Variants in XPR1 observed in about 807,000 individuals in gnomAD.
XPR1 encodes xenotropic and polytropic retrovirus receptor 1.
A neutral mutation model predicts 87.5 loss-of-function variants in XPR1; 28 were observed. The ratio of observed to expected loss-of-function variants is 0.32; its 90% confidence interval spans 0.24 to 0.44. The LOEUF (loss-of-function observed/expected upper bound fraction) is 0.44, where lower values mean the gene tolerates loss of function less well. Ranked by LOEUF, XPR1 falls within the 20% of genes least tolerant of loss-of-function variation. The probability of loss-of-function intolerance (pLI) is 1.00; values close to 1 mark genes in which losing one functional copy is unlikely to be tolerated. For synonymous variants in XPR1, 300 were observed against 306.1 expected, an observed-to-expected ratio of 0.98 and a Z score of 0.21; for missense variants, 559 against 862.3, an observed-to-expected ratio of 0.65 and a Z score of 4.41.
Position 180,728,044 on chromosome 1 carries a change from G to A in XPR1, c.121+45633G>A, listed in dbSNP as rs183675025. On this transcript the variant is annotated intron_variant, in intron 2 of 14. Coordinates refer to ENST00000367590, the MANE Select transcript of XPR1 (RefSeq NM_004736.4). The stretch of plus-strand genomic sequence containing the variant: ...CTTAACCATCTGGGAATGCAGCCCA[G>A]TAGGTTTCAGTCTCATTTTACCCAG... Among the ~76,000 whole-genome samples, 586 of 152,268 alleles carry A rather than the reference G, an allele frequency of 3.8e-3. 3 individuals carry two copies. The highest frequency in any genetic ancestry group is 0.013 in the African/African-American group (556 of 41,556).
At chr1:180,642,142 C>T (rs1441622511) in intron 1 of XPR1, among the ~76,000 whole-genome samples, 1 of 152,138 alleles carries the variant, frequency 6.6e-6, no homozygotes, top group Non-Finnish European at 1.5e-5. Context: ...AAGTGGAAAC[C>T]TATCTTGAGT....
intron 11 of XPR1, among the ~76,000 whole-genome samples, chr1:180,847,505 T>G (rs1246273488): frequency 6.6e-6 from 1 of 152,168 alleles, no homozygotes; most frequent in East Asian, 1.9e-4. Flanking sequence ...AGAAAGTGAC[T>G]AGATTTCTTT....
intron 3 of XPR1, among the ~76,000 whole-genome samples, chr1:180,789,787 C>G (rs537312953): frequency 6.6e-6 from 1 of 152,106 alleles, no homozygotes; most frequent in Admixed American, 6.6e-5. Context: ...CCTTTACCCT[C>G]ATTGCCTTAT....
intron 2 of XPR1, among the ~76,000 whole-genome samples, chr1:180,710,020 C>T (rs1557968245): frequency 6.6e-6 from 1 of 151,774 alleles, no homozygotes; most frequent in Non-Finnish European, 1.5e-5. Flanking sequence ...ATTCTCCTGC[C>T]TCAGCCTCCC....
Position 180,756,931 on chromosome 1 carries a change from A to G in XPR1, c.122-30822A>G, listed in dbSNP as rs557641162. Among the ~76,000 whole-genome samples the G allele has an allele frequency of 5.9e-5, 9 of 152,328 alleles. No homozygotes were observed. In the East Asian group the frequency reaches 1.7e-3, roughly 29 times the overall value. On this transcript the variant is annotated intron_variant, in intron 2 of 14. Transcript: ENST00000367590. ...AGACTAGTCTTTCTCACATTGAATT[A>G]TCTTGTCACCTTTGTTGAAAATCAG...
chr1:180,791,044 G>A (rs6661417), intron 3 of XPR1, among the ~76,000 whole-genome samples: 58,162 of 151,912 alleles, frequency 0.38, 11,367 homozygotes, highest in African/African-American at 0.42. Context: ...GGCATTTGCA[G>A]TGAAACAAAT....
intron 14 of XPR1, among the ~76,000 whole-genome samples, chr1:180,882,325 T>G (rs1652871259): frequency 1.3e-5 from 2 of 152,148 alleles, no homozygotes; most frequent in Non-Finnish European, 2.9e-5. Context: ...CATGCAACCT[T>G]TAGCATATCC....
intron 1 of XPR1, among the ~76,000 whole-genome samples, chr1:180,673,090 T>C (rs1656240511): frequency 6.6e-6 from 1 of 152,208 alleles, no homozygotes; most frequent in Non-Finnish European, 1.5e-5. Flanking sequence ...ATGTTGTGTA[T>C]GAGACATAAT....
chr1:180,878,812 A>C (rs1209987576), intron 13 of XPR1, among the ~76,000 whole-genome samples: 1 of 152,178 alleles, frequency 6.6e-6, no homozygotes, highest in Non-Finnish European at 1.5e-5. Flanking sequence ...CTGTCTCACT[A>C]GCTATTCCTT....
rs1652807756 is a variant in XPR1 at position 180,880,269 on chromosome 1, T to C, written c.2002T>C (p.Ser668Pro). Reference sequence around the variant, plus strand: ...GTCATGGAAGTACAACCAGAGCATATCCCTGCGCCGGCCTCGCCTCGCTTC... The same window carrying C: ...GTCATGGAAGTACAACCAGAGCATACCCCTGCGCCGGCCTCGCCTCGCTTC... ...NRSWKYNQSISLRRPRLASQS... is the reference protein window; with the variant it reads ...NRSWKYNQSIPLRRPRLASQS... Residue 668 changes from serine to proline, a missense_variant, in exon 14 of 15, where the codon TCC becomes CCC. By Grantham distance (74) the Ser-to-Pro change is moderately conservative. This residue lies in a region of XPR1 where 80 missense variants were observed against 99.5 expected (regional missense o/e 0.80). Transcript: ENST00000367590. 2.5e-6 allele frequency: 4 copies of C among 1,614,148 alleles called. No individual in the cohort carries two copies. In the East Asian group the frequency reaches 8.9e-5, roughly 36 times the overall value.
chr1:180,772,547 C>G (rs1648556196), intron 2 of XPR1, among the ~76,000 whole-genome samples: 1 of 152,034 alleles, frequency 6.6e-6, no homozygotes, highest in Non-Finnish European at 1.5e-5. Context: ...CTCTGTGTTC[C>G]CACTCAAATC....
chr1:180,686,868 A>T (rs1270833613), intron 2 of XPR1, among the ~76,000 whole-genome samples: 1 of 152,166 alleles, frequency 6.6e-6, no homozygotes, highest in East Asian at 1.9e-4. Flanking sequence ...ATCTCAAACC[A>T]TTCTGAATTA....
rs1476721136 is a variant in XPR1, at chr1:180,884,487, T to A, written c.*421T>A. On this transcript the variant is annotated 3_prime_UTR_variant, in exon 15 of 15. Transcript: ENST00000367590. ...TGAAACCGGACATTGGTTTTTAAAT[T>A]TTTTGTCAGTTTATGTGGAGAATTT... is the stretch of plus-strand genomic sequence containing the variant. 6.5e-6 allele frequency: 1 copy of A among 153,744 alleles called. No individual in the cohort carries two copies. Among genetic ancestry groups the A allele is most frequent in the African/African-American group, 2.4e-5 (1 of 41,456 alleles). 9.5% of individuals were successfully genotyped at this position (153,744 alleles called of 1,614,324 possible).
intron 1 of XPR1, among the ~76,000 whole-genome samples, chr1:180,637,910 CTGTAAG>C (rs1213776965): frequency 6.6e-6 from 1 of 152,128 alleles, no homozygotes; most frequent in Non-Finnish European, 1.5e-5. Context: ...ATGAACTTGA[CTGTAAG>C]TGTATATATT....
At chr1:180,640,428 TA>T (rs1301763888) in intron 1 of XPR1, among the ~76,000 whole-genome samples, 1 of 152,256 alleles carries the variant, frequency 6.6e-6, no homozygotes, top group Non-Finnish European at 1.5e-5. Flanking sequence ...ATGTTGATAG[TA>T]ATTGTGGATA....
At chr1:180,654,971 C>A (rs12087837) in intron 1 of XPR1, among the ~76,000 whole-genome samples, 6,366 of 152,190 alleles carry the variant, frequency 0.042, 470 homozygotes, top group African/African-American at 0.14. Flanking sequence ...TATAAAAAAT[C>A]AAAATCTATA....
chr1:180,780,650 C>T (rs1272683547), intron 2 of XPR1, among the ~76,000 whole-genome samples: 1 of 151,856 alleles, frequency 6.6e-6, no homozygotes, highest in Non-Finnish European at 1.5e-5. Flanking sequence ...CACCTGTAGT[C>T]CCAACTACTG....
chr1:180,834,243 G>A (rs565441602), intron 9 of XPR1, among the ~76,000 whole-genome samples: 4 of 152,046 alleles, frequency 2.6e-5, no homozygotes, highest in South Asian at 2.1e-4. Context: ...TACCATGCCC[G>A]GCTAATTTTT....
At position 180,758,114 on chromosome 1, in the gene XPR1, T is replaced by TACACACACACACACACACACAC. The variant is rs71121050; in HGVS notation, c.122-29627_122-29606dup. ...ACATATATATGAACATATAGAAGGATACACACACACACACACACACACACA... is the reference window on the plus strand; with the variant it reads ...ACATATATATGAACATATAGAAGGATACACACACACACACACACACACACACACACACACACACACACACACA... On this transcript the variant is annotated intron_variant, in intron 2 of 14. Coordinates refer to ENST00000367590, the MANE Select transcript of XPR1 (RefSeq NM_004736.4). 4.0e-3 allele frequency among the ~76,000 whole-genome samples: 563 copies of TACACACACACACACACACACAC among 141,160 alleles called. 2 individuals carry two copies. Among genetic ancestry groups the TACACACACACACACACACACAC allele is most frequent in the Non-Finnish European group, 6.6e-3 (427 of 64,810 alleles). The allele number at this position is 141,160 out of a possible 152,430, so 92.6% of individuals were successfully genotyped here.
Sources: allele counts gnomAD v4.1 joint callset (sites outside exome capture counted in the v4.1 genomes callset), GRCh38; gene constraint gnomAD v4.1.1; regional missense constraint gnomAD v4.1.1; transcripts MANE v1.5; gene names NCBI Gene and HGNC (gene_info 2026-07-23, HGNC 2026-07-21).